The following SARDH variants were observed in gnomAD, a reference collection of about 807,000 sequenced individuals.
SARDH encodes sarcosine dehydrogenase.
A neutral mutation model predicts 109.1 loss-of-function variants in SARDH; 95 were observed. The ratio of observed to expected loss-of-function variants is 0.87; its 90% CI spans 0.74 to 1.03. SARDH has a LOEUF of 1.03. Ranked by LOEUF, SARDH falls within the 50% of genes least tolerant of loss-of-function variation. The pLI is 0.00. For missense variants in SARDH, 1,267 were observed against 1,287.8 expected, an observed-to-expected ratio of 0.98 and a Z score of 0.25; for synonymous variants, 572 against 534.8, an observed-to-expected ratio of 1.07 and a Z score of -0.96.
At chr9:133,726,064 T>C (rs1315493147) in intron 6 of SARDH, among the ~76,000 whole-genome samples, 1 of 152,042 alleles carries the variant, frequency 6.6e-6, no homozygotes, top group Non-Finnish European at 1.5e-5. Context: ...AAGTTCCTAG[T>C]AACTGAGCAC....
At chr9:133,698,900 CAT>C (rs1024580636) in intron 13 of SARDH, among the ~76,000 whole-genome samples, 32 of 152,250 alleles carry the variant, frequency 2.1e-4, no homozygotes, top group African/African-American at 7.5e-4. Context: ...AAAACAAAAA[CAT>C]AGAGATGAAT....
At position 133,693,422 on chromosome 9, in the gene SARDH, G is replaced by A. The variant is rs976090085; in HGVS notation, c.1921+836C>T. On this transcript the variant is annotated intron_variant, in intron 15 of 20. Coordinates refer to ENST00000439388, the MANE Select transcript of SARDH (RefSeq NM_001134707.2). This position sits in a 1 kb window ranked among gnomAD's most constrained non-coding sequence, Gnocchi z 5.6. ...TGCCAGCAGCACGGAGTCAGGTCAAGAACCAGGAGATGCCAGGTTTTCTGA... is the reference window on the plus strand; with the variant it reads ...TGCCAGCAGCACGGAGTCAGGTCAAAAACCAGGAGATGCCAGGTTTTCTGA... Among the ~76,000 whole-genome samples the A allele has an allele frequency of 6.6e-6, 1 of 152,234 alleles. No homozygotes were observed. The highest frequency in any genetic ancestry group is 2.4e-5 in the African/African-American group (1 of 41,456).
chr9:133,670,587 T>C lies in SARDH; in HGVS notation c.2492A>G (p.Glu831Gly). 6.4e-7 allele frequency: 1 copy of C among 1,572,280 alleles called. No individual in the cohort carries two copies. The highest frequency in any genetic ancestry group is 8.6e-7 in the Non-Finnish European group (1 of 1,158,968). ...CGTGGAACAGCGGGATACTCACTCC[T>C]CCATGGTGAAGCACACCAGGCGCCG... ...LRRRLVCFTMEDKVPMFGLEA... is the reference protein window; with the variant it reads ...LRRRLVCFTMGDKVPMFGLEA... Residue 831 changes from glutamate (E) to glycine (G), a missense_variant, in exon 19 of 21, where the codon GAG becomes GGG. Transcript: ENST00000439388.
rs1304994300 is a variant in SARDH at position 133,728,272 on chromosome 9, C to T, written c.915+1493G>A. Among the ~76,000 whole-genome samples, 4 of 152,176 alleles carry T rather than the reference C, an allele frequency of 2.6e-5. No homozygotes were observed. The highest frequency in any genetic ancestry group is 2.6e-4 in the Admixed American group (4 of 15,288). On this transcript the variant is annotated intron_variant, in intron 6 of 20. Transcript: ENST00000439388. This position sits in a 1 kb window ranked among gnomAD's most constrained non-coding sequence, Gnocchi z 5.0. ...CCCATTTCGCCACCCGCTTCACTACCCTGGTCTACGAAGCAGCCAAGCCTG... is the reference window on the plus strand; with the variant it reads ...CCCATTTCGCCACCCGCTTCACTACTCTGGTCTACGAAGCAGCCAAGCCTG...
Position 133,730,136 on chromosome 9 carries a change from C to CA in SARDH, c.741dup (p.Gly248TrpfsTer65). ...TCCACACCCGCGACCCGCCGCACCCCAAAATCATCCGTCCACACACGAATG... is the reference window on the plus strand; with the variant it reads ...TCCACACCCGCGACCCGCCGCACCCCAAAAATCATCCGTCCACACACGAATG... On this transcript the variant is annotated frameshift_variant, in exon 5 of 21. Coordinates refer to ENST00000439388, the MANE Select transcript of SARDH (RefSeq NM_001134707.2). LOFTEE classifies it high-confidence loss of function. 1 of 1,614,256 alleles carries CA rather than the reference C, an allele frequency of 6.2e-7. No homozygotes were observed. The highest frequency in any genetic ancestry group is 8.5e-7 in the Non-Finnish European group (1 of 1,180,042).
chr9:133,666,978 G>A lies in SARDH; in HGVS notation c.2496-108C>T, dbSNP rs947373170. ...GGCTGCATGATGCACACCCAACCGT[G>A]GCTCCAGGCAGATAGGGCTGGCCTA... On this transcript the variant is annotated intron_variant, in intron 19 of 20. Transcript: ENST00000439388. This position sits in a 1 kb window ranked among gnomAD's most constrained non-coding sequence, Gnocchi z 5.2. 3.4e-6 allele frequency: 5 copies of A among 1,471,266 alleles called. No homozygotes were observed. The highest frequency in any genetic ancestry group is 1.4e-5 in the African/African-American group (1 of 71,760). 91.1% of individuals were successfully genotyped at this position (1,471,266 alleles called of 1,614,324 possible).
At chr9:133,670,200 A>AGG (rs1830289050) in intron 19 of SARDH, among the ~76,000 whole-genome samples, 1 of 152,046 alleles carries the variant, frequency 6.6e-6, no homozygotes. Flanking sequence ...GTGGTAGTGC[A>AGG]CGCCTGTAAT....
At chr9:133,675,778 A>C (rs985662957) in intron 17 of SARDH, among the ~76,000 whole-genome samples, 1 of 152,202 alleles carries the variant, frequency 6.6e-6, no homozygotes, top group Non-Finnish European at 1.5e-5. Flanking sequence ...AGGTAGATGC[A>C]ACCCAAGTGT....
At chr9:133,675,521 A>G (rs934204886) in intron 17 of SARDH, among the ~76,000 whole-genome samples, 2 of 152,228 alleles carry the variant, frequency 1.3e-5, no homozygotes, top group Non-Finnish European at 2.9e-5. Flanking sequence ...TATAAAAACA[A>G]GAAAAAGAAA....
At chr9:133,677,956 G>A (rs940500975) in intron 17 of SARDH, among the ~76,000 whole-genome samples, 6 of 152,216 alleles carry the variant, frequency 3.9e-5, no homozygotes, top group Admixed American at 3.3e-4. Context: ...TTAGGCAAGC[G>A]CCACTACTAT....
intron 6 of SARDH, among the ~76,000 whole-genome samples, chr9:133,726,679 C>G (rs1327560703): frequency 6.6e-6 from 1 of 152,220 alleles, no homozygotes; most frequent in East Asian, 1.9e-4. Flanking sequence ...TGTCCCCAGT[C>G]TGGCCCTGGT....
Position 133,686,376 on chromosome 9 carries a change from C to T in SARDH, c.2070-1090G>A, listed in dbSNP as rs1225905677. Among the ~76,000 whole-genome samples, 2 of 152,104 alleles carry T rather than the reference C, an allele frequency of 1.3e-5. No homozygotes were observed. The highest frequency in any genetic ancestry group is 2.9e-5 in the Non-Finnish European group (2 of 68,008). Reference sequence around the variant, plus strand: ...ATTCTCACCCCTTCCCCTGTCACCACTTAACCCTTTGTCATCCTTCAGCTC... The same window carrying T: ...ATTCTCACCCCTTCCCCTGTCACCATTTAACCCTTTGTCATCCTTCAGCTC... On this transcript the variant is annotated intron_variant, in intron 16 of 20. Coordinates refer to ENST00000439388, the MANE Select transcript of SARDH (RefSeq NM_001134707.2). The surrounding 1 kb of genome is among the most constrained non-coding windows in gnomAD (Gnocchi z 4.0).
At chr9:133,707,712 A>G (rs1356786804) in intron 11 of SARDH, among the ~76,000 whole-genome samples, 1 of 151,988 alleles carries the variant, frequency 6.6e-6, no homozygotes, top group Non-Finnish European at 1.5e-5. Context: ...ATGGCCAGGG[A>G]GAGGGGGAAG....
downstream of SARDH, among the ~76,000 whole-genome samples, chr9:133,659,668 T>G (rs1402957521): frequency 1.3e-5 from 2 of 152,060 alleles, no homozygotes; most frequent in Non-Finnish European, 2.9e-5. Context: ...GCAAGGCACT[T>G]CACTTCATCA....
intron 13 of SARDH, among the ~76,000 whole-genome samples, chr9:133,699,781 A>ACT (rs1373041529): frequency 6.6e-6 from 1 of 152,204 alleles, no homozygotes; most frequent in Non-Finnish European, 1.5e-5. Flanking sequence ...TGGGGAATGT[A>ACT]ATGTGGTACA....
intron 16 of SARDH, among the ~76,000 whole-genome samples, chr9:133,689,322 C>T (rs1351974692): frequency 1.3e-5 from 2 of 152,102 alleles, no homozygotes; most frequent in African/African-American, 4.8e-5. Flanking sequence ...CTTCCTCCTG[C>T]CCAGTCCAGC....
chr9:133,685,080 C>T, intron 17 of SARDH, 113 bp downstream of exon 17: 1 of 837,428 alleles, frequency 1.2e-6, no homozygotes, highest in Non-Finnish European at 1.9e-6. Flanking sequence ...GGGACCGAGG[C>T]CCAGGGAGGC....
intron 11 of SARDH, among the ~76,000 whole-genome samples, chr9:133,707,415 G>A (rs946911959): frequency 6.6e-6 from 1 of 152,180 alleles, no homozygotes; most frequent in Non-Finnish European, 1.5e-5. Context: ...GGTCCACCAA[G>A]CCAGGCCAAA....
intron 16 of SARDH, among the ~76,000 whole-genome samples, chr9:133,685,940 G>A (rs1435336579): frequency 1.3e-5 from 2 of 152,152 alleles, no homozygotes; most frequent in Non-Finnish European, 1.5e-5. Flanking sequence ...CCTGACATGG[G>A]TGTGAGACGC....
Sources: gnomAD v4.1 joint callset for allele counts (sites outside exome capture counted in the v4.1 genomes callset) on GRCh38, gnomAD v4.1.1 for gene constraint, Gnocchi (gnomAD v3.1) non-coding constraint, MANE v1.5 for transcripts, NCBI Gene and HGNC (gene_info 2026-07-23, HGNC 2026-07-21) for gene names.